Variants in CCDC62 observed in about 807,000 individuals in gnomAD.
The protein encoded by CCDC62 is coiled-coil domain-containing protein 62.
Under a neutral mutation model 80.8 loss-of-function variants are expected in CCDC62, and 72 were observed. The observed-to-expected ratio is 0.89, with a 90% CI of 0.74 to 1.08. CCDC62 has a LOEUF of 1.08. CCDC62 is among the 50% of genes least tolerant of loss of function. The pLI, the probability that CCDC62 is intolerant of heterozygous loss-of-function variation, is 0.00. For synonymous variants in CCDC62, 286 were observed against 296.5 expected (o/e 0.96, Z 0.36); for missense variants, 704 against 809.4 (o/e 0.87, Z 1.58).
At chr12:122,821,712 G>C (rs2032409636) in intron 11 of CCDC62, among the ~76,000 whole-genome samples, 1 of 152,046 alleles carries the variant, frequency 6.6e-6, no homozygotes. Context: ...CTCCCAAAGT[G>C]CTGGGATTGC....
rs530508554 is a variant in CCDC62, at chr12:122,778,494, T to TTGTTAG, written c.229+812_229+813insGTTAGT. Among the ~76,000 whole-genome samples the TTGTTAG allele has an allele frequency of 2.3e-4, 35 of 152,264 alleles. No individual in the cohort carries two copies. In the South Asian group the frequency reaches 7.3e-3, roughly 32 times the overall value. On this transcript the variant is annotated intron_variant, in intron 2 of 12. Coordinates refer to ENST00000253079, the MANE Select transcript of CCDC62 (RefSeq NM_201435.5). ...GACTCTAGATTGTTAGTAGAATGCA[T>TTGTTAG]TAGAGGAGAAAACACTAGATCTGTA...
chr12:122,799,823 G>A (rs541707165), intron 8 of CCDC62, among the ~76,000 whole-genome samples: 10 of 152,252 alleles, frequency 6.6e-5, no homozygotes, highest in South Asian at 6.2e-4. Flanking sequence ...GGCGTGTGGC[G>A]TGTGGCTGGG....
At chr12:122,812,777 G>GAGAGAGAGAGAGAGAGAA (rs750420995) in intron 10 of CCDC62, among the ~76,000 whole-genome samples, 1 of 57,784 alleles carries the variant, frequency 1.7e-5, no homozygotes, top group African/African-American at 7.8e-5. Flanking sequence ...GAGAGAGAGA[G>GAGAGAGAGAGAGAGAGAA]AGAAAGAAAG....
At chr12:122,822,574 ATTT>A (rs71085861) in intron 11 of CCDC62, among the ~76,000 whole-genome samples, 1 of 117,774 alleles carries the variant, frequency 8.5e-6, no homozygotes. Flanking sequence ...TGAGTTCCAC[ATTT>A]TTTTTTTTTT....
At chr12:122,826,045 G>A (rs867200475) in intron 12 of CCDC62, among the ~76,000 whole-genome samples, 6 of 148,984 alleles carry the variant, frequency 4.0e-5, no homozygotes, top group South Asian at 2.1e-4. Flanking sequence ...TCATAAAAAC[G>A]TGTATTGACC....
intron 6 of CCDC62, among the ~76,000 whole-genome samples, chr12:122,796,824 A>G (rs574858784): frequency 2.0e-5 from 3 of 151,754 alleles, no homozygotes; most frequent in East Asian, 3.9e-4. Flanking sequence ...TCCTTATTCT[A>G]TCTCCCCACA....
intron 11 of CCDC62, among the ~76,000 whole-genome samples, chr12:122,820,801 A>C: frequency 6.7e-6 from 1 of 148,940 alleles, no homozygotes; most frequent in Non-Finnish European, 1.5e-5. Context: ...AGATCACGCC[A>C]CTGCACTCCA....
rs189477057 is a variant in CCDC62 at position 122,826,810 on chromosome 12, C to A, written c.*429C>A. The A allele has an allele frequency of 2.1e-3, 404 of 191,204 alleles. 1 individual carries two copies. Among genetic ancestry groups the A allele is most frequent in the South Asian group, 9.2e-3 (52 of 5,622 alleles). The allele number at this position is 191,204 out of a possible 1,614,324, so 11.8% of individuals were successfully genotyped here. ...CTGATTTTTAAAAAATCTGTGCATA[C>A]ATTTAAATTCTAAACAATAGCTTAT... On this transcript the variant is annotated 3_prime_UTR_variant, in exon 13 of 13. Transcript: ENST00000253079.
chr12:122,817,343 A>G (rs553173484), intron 11 of CCDC62, among the ~76,000 whole-genome samples: 46 of 151,642 alleles, frequency 3.0e-4, no homozygotes, highest in African/African-American at 1.0e-3. Flanking sequence ...TACAGGCATG[A>G]GCCACCATGC....
chr12:122,814,087 G>A (rs2032057708), intron 11 of CCDC62, among the ~76,000 whole-genome samples: 1 of 151,724 alleles, frequency 6.6e-6, no homozygotes, highest in African/African-American at 2.4e-5. Context: ...TTCAAGACCA[G>A]CCTGACTAAC....
intron 9 of CCDC62, among the ~76,000 whole-genome samples, chr12:122,804,882 ATTTTT>A (rs35218710): frequency 9.6e-6 from 1 of 104,526 alleles, no homozygotes. Flanking sequence ...ACTTGGTTCC[ATTTTT>A]TTTTTTTTTT....
intron 4 of CCDC62, 38 bp downstream of exon 4, chr12:122,785,858 C>T (rs750758185): frequency 7.5e-7 from 1 of 1,340,846 alleles, no homozygotes; most frequent in South Asian, 1.2e-5. Flanking sequence ...TGCCAGAGTG[C>T]TTGGTAGTTA....
intron 4 of CCDC62, among the ~76,000 whole-genome samples, chr12:122,787,269 G>GAAACCCCTGTCTTTACT (rs1250128791): frequency 1.3e-5 from 2 of 152,000 alleles, no homozygotes; most frequent in Admixed American, 6.5e-5. Context: ...CCAACATGGT[G>GAAACCCCTGTCTTTACT]AAACCCCTGT....
intron 4 of CCDC62, among the ~76,000 whole-genome samples, chr12:122,787,432 CAG>C (rs893777630): frequency 1.5e-5 from 2 of 131,904 alleles, no homozygotes; most frequent in Non-Finnish European, 3.1e-5. Flanking sequence ...GCTTGGGCGA[CAG>C]AGCAAGACTC....
intron 10 of CCDC62, among the ~76,000 whole-genome samples, chr12:122,813,005 C>T (rs2032008652): frequency 6.7e-6 from 1 of 148,220 alleles, no homozygotes; most frequent in African/African-American, 2.5e-5. Flanking sequence ...CAAGACCAGC[C>T]TGGGCAACAT....
At chr12:122,809,094 C>G (rs991803401) in intron 10 of CCDC62, among the ~76,000 whole-genome samples, 3 of 152,232 alleles carry the variant, frequency 2.0e-5, no homozygotes, top group Non-Finnish European at 4.4e-5. Context: ...GCCAGTTATT[C>G]AATCCCAAAG....
At chr12:122,814,017 C>T (rs113758919) in intron 11 of CCDC62, among the ~76,000 whole-genome samples, 1 of 151,508 alleles carries the variant, frequency 6.6e-6, no homozygotes, top group Non-Finnish European at 1.5e-5. Flanking sequence ...CGTGGTGGCT[C>T]ATGCCTGTAA....
intron 10 of CCDC62, among the ~76,000 whole-genome samples, chr12:122,806,635 C>T (rs1242166325): frequency 1.3e-5 from 2 of 151,770 alleles, no homozygotes; most frequent in Non-Finnish European, 2.9e-5. Flanking sequence ...CATGCCACCA[C>T]GCCCAGCTAA....
At chr12:122,801,988 C>T in intron 9 of CCDC62, 136 bp downstream of exon 9, 1 of 894,302 alleles carries the variant, frequency 1.1e-6, no homozygotes, top group Non-Finnish European at 1.7e-6. Context: ...TTCCTTAGGA[C>T]CAATGGTTCC....
Sources: allele counts gnomAD v4.1 joint callset (sites outside exome capture counted in the v4.1 genomes callset), GRCh38; gene constraint gnomAD v4.1.1; transcripts MANE v1.5; gene names NCBI Gene and HGNC (gene_info 2026-07-23, HGNC 2026-07-21).